SYTL5: variants seen among roughly 807,000 people sequenced by gnomAD.
The protein encoded by SYTL5 is synaptotagmin like 5.
Under a neutral mutation model 55.9 loss-of-function variants are expected in SYTL5, and 34 were observed. The ratio of observed to expected loss-of-function variants is 0.61; its 90% CI spans 0.46 to 0.81. The LOEUF (loss-of-function observed/expected upper bound fraction) is 0.81, where lower values mean the gene tolerates loss of function less well. Among genes scored for constraint, SYTL5 ranks in the 30% least tolerant of loss-of-function variants. The pLI, the probability that SYTL5 is intolerant of heterozygous loss-of-function variation, is 0.00. For synonymous variants in SYTL5, 221 were observed against 188.7 expected (o/e 1.17, Z -1.40); for missense variants, 637 against 546.7 (o/e 1.17, Z -1.65).
chrX:37,987,994 C>T, the SYTL5 span, among the ~76,000 whole-genome samples: 14 of 111,977 alleles, frequency 1.3e-4, no homozygotes, highest in African/African-American at 4.5e-4. Context: ...GAGTAATGGT[C>T]CCCAAAGATA....
At chrX:38,100,269 A>G (rs1937049183) in intron 9 of SYTL5, among the ~76,000 whole-genome samples, 1 of 111,267 alleles carries the variant, frequency 9.0e-6, no homozygotes, top group African/African-American at 3.2e-5. Flanking sequence ...AAAGGCAGCT[A>G]CAATAAGTTC....
At chrX:37,957,073 A>T in the SYTL5 span, among the ~76,000 whole-genome samples, 1 of 111,510 alleles carries the variant, frequency 9.0e-6, no homozygotes, top group East Asian at 2.8e-4. Context: ...CCTCATGGCC[A>T]TTCGTATGTC....
intron 1 of SYTL5, among the ~76,000 whole-genome samples, chrX:38,025,483 A>T (rs1313293329): frequency 1.8e-5 from 2 of 111,950 alleles, no homozygotes; most frequent in African/African-American, 6.5e-5. Context: ...TCAGAAGTTA[A>T]TGACTTGTCC....
chrX:37,908,990 G>T, the SYTL5 span, among the ~76,000 whole-genome samples: 3 of 110,740 alleles, frequency 2.7e-5, no homozygotes, highest in Non-Finnish European at 5.7e-5. Flanking sequence ...AGCCTGGAGG[G>T]AAACTTAACA....
intron 2 of SYTL5, among the ~76,000 whole-genome samples, chrX:38,049,824 A>C (rs1935576820): frequency 8.9e-6 from 1 of 112,477 alleles, no homozygotes; most frequent in Non-Finnish European, 1.9e-5. Flanking sequence ...AAGCTGTGCT[A>C]AACACTTACA....
intron 4 of SYTL5, among the ~76,000 whole-genome samples, chrX:38,072,596 A>G (rs1479705046): frequency 8.9e-6 from 1 of 111,955 alleles, no homozygotes; most frequent in East Asian, 2.8e-4. Context: ...AAGATTGATA[A>G]TATGTACCTT....
At chrX:38,052,249 AC>A (rs1935642655) in intron 2 of SYTL5, among the ~76,000 whole-genome samples, 1 of 111,972 alleles carries the variant, frequency 8.9e-6, no homozygotes, top group African/African-American at 3.2e-5. Flanking sequence ...CTTGGTGGGG[AC>A]TTAAAAGTGC....
intron 1 of SYTL5, among the ~76,000 whole-genome samples, chrX:38,015,002 CT>C (rs1265944328): frequency 1.8e-5 from 2 of 111,867 alleles, no homozygotes; most frequent in Non-Finnish European, 3.8e-5. Flanking sequence ...TGACTTTTCC[CT>C]TCGGCTTAGT....
At chrX:37,892,584 C>T in the SYTL5 span, among the ~76,000 whole-genome samples, 1 of 86,397 alleles carries the variant, frequency 1.2e-5, no homozygotes, top group African/African-American at 4.3e-5. Context: ...GTATATATAC[C>T]AATATTAGTA....
At chrX:38,083,012 A>T (rs935182110) in intron 6 of SYTL5, among the ~76,000 whole-genome samples, 2 of 111,852 alleles carry the variant, frequency 1.8e-5, no homozygotes, top group African/African-American at 6.5e-5. Flanking sequence ...ATTCTGAACT[A>T]CTAAGTATGG....
At chrX:37,978,408 A>C in the SYTL5 span, among the ~76,000 whole-genome samples, 1 of 111,707 alleles carries the variant, frequency 9.0e-6, no homozygotes, top group Non-Finnish European at 1.9e-5. Context: ...TGTGATTGAA[A>C]CGGCTTAGAG....
At chrX:37,931,528 G>C in the SYTL5 span, among the ~76,000 whole-genome samples, 13,124 of 110,927 alleles carry the variant, frequency 0.12, 1,216 homozygotes, top group African/African-American at 0.32. Flanking sequence ...CTCTTCTATA[G>C]AGCATTTATC....
chrX:38,086,196 A>G (rs1028924065), intron 6 of SYTL5, among the ~76,000 whole-genome samples: 2 of 111,511 alleles, frequency 1.8e-5, no homozygotes, highest in Non-Finnish European at 3.8e-5. Flanking sequence ...GTTCCATGAG[A>G]AGGGCCAGGG....
At chrX:38,075,992 C>A (rs1419835144) in intron 5 of SYTL5, among the ~76,000 whole-genome samples, 1 of 111,761 alleles carries the variant, frequency 8.9e-6, no homozygotes, top group Non-Finnish European at 1.9e-5. Flanking sequence ...CAGATTTTAT[C>A]CAACATGAGG....
chrX:37,930,458 G>GAGTAT, the SYTL5 span, among the ~76,000 whole-genome samples: 1 of 111,224 alleles, frequency 9.0e-6, no homozygotes, highest in East Asian at 2.8e-4. Context: ...TTTGTGGCTG[G>GAGTAT]AGTATAGATA....
the SYTL5 span, among the ~76,000 whole-genome samples, chrX:37,922,552 T>C: frequency 8.9e-6 from 1 of 112,230 alleles, no homozygotes; most frequent in South Asian, 3.7e-4. Context: ...CTGAGACTAC[T>C]CAATGAATTT....
At chrX:38,040,166 T>G (rs1275610124) in intron 2 of SYTL5, among the ~76,000 whole-genome samples, 2 of 95,503 alleles carry the variant, frequency 2.1e-5, no homozygotes, top group Non-Finnish European at 3.9e-5. Context: ...AGAGCGAGAC[T>G]CCATCTCAAA....
In SYTL5 at chrX:38,073,642, A is replaced by C. The variant is rs1245454545; in HGVS notation, c.498A>C (p.Ser166=). 1 of 1,198,936 alleles carries C rather than the reference A, an allele frequency of 8.3e-7. No homozygotes were observed. The highest frequency in any genetic ancestry group is 1.8e-5 in the African/African-American group (1 of 56,913). ...AAACCCGCCAGGATGCAGAAAAGTC[A>C]GACACTTCACCTGTTGCTGGGAAGA... ...QEQTRQDAEK[S]DTSPVAGKKA... The change falls in exon 5 of 17, where the codon TCA becomes TCC. Residue 166 remains serine (S), a synonymous_variant. Coordinates refer to ENST00000297875, the MANE Select transcript of SYTL5 (RefSeq NM_138780.3).
At chrX:38,087,402 G>C (rs1354186210) in intron 6 of SYTL5, among the ~76,000 whole-genome samples, 1 of 111,578 alleles carries the variant, frequency 9.0e-6, no homozygotes, top group Non-Finnish European at 1.9e-5. Context: ...CAGGTAGAAG[G>C]GTTCAGGAAA....
Sources: allele counts gnomAD v4.1 joint callset (sites outside exome capture counted in the v4.1 genomes callset), GRCh38; gene constraint gnomAD v4.1.1; transcripts MANE v1.5; gene names NCBI Gene and HGNC (gene_info 2026-07-23, HGNC 2026-07-21).